PGR: variants seen among roughly 807,000 people sequenced by gnomAD.
PGR encodes progesterone receptor, also known as nuclear receptor subfamily 3 group C member 3.
Under a neutral mutation model 76.1 loss-of-function variants are expected in PGR, and 25 were observed. That is an observed-to-expected ratio of 0.33 (90% CI 0.24 to 0.46). PGR has a LOEUF of 0.46. Ranked by LOEUF, PGR falls within the 20% of genes least tolerant of loss-of-function variation. The probability of loss-of-function intolerance (pLI) is 1.00; values close to 1 mark genes in which losing one functional copy is unlikely to be tolerated. For missense variants in PGR, 1,172 were observed against 1,225.3 expected (o/e 0.96, Z 0.65); for synonymous variants, 579 against 535.0 (o/e 1.08, Z -1.14).
intron 2 of PGR, among the ~76,000 whole-genome samples, chr11:101,097,424 A>G (rs140520348): frequency 1.3e-5 from 2 of 152,348 alleles, no homozygotes; most frequent in East Asian, 3.9e-4. Context: ...CATTCAATGT[A>G]TTCCTATTGT....
At chr11:101,064,484 G>C (rs1021999029) in intron 3 of PGR, among the ~76,000 whole-genome samples, 1 of 151,930 alleles carries the variant, frequency 6.6e-6, no homozygotes, top group African/African-American at 2.4e-5. Flanking sequence ...TGAGCTTTCT[G>C]GGGGAAGGAA....
At chr11:101,081,942 G>A (rs1861323231) in intron 3 of PGR, among the ~76,000 whole-genome samples, 1 of 152,176 alleles carries the variant, frequency 6.6e-6, no homozygotes, top group South Asian at 2.1e-4. Context: ...CTAAATGCCT[G>A]ATATGGTTTG....
At chr11:101,092,250 T>C (rs1861698141) in intron 2 of PGR, among the ~76,000 whole-genome samples, 1 of 152,190 alleles carries the variant, frequency 6.6e-6, no homozygotes, top group African/African-American at 2.4e-5. Context: ...TAGTAAAACC[T>C]TTCTTTCTGA....
intron 3 of PGR, among the ~76,000 whole-genome samples, chr11:101,068,557 C>T (rs1860805122): frequency 6.6e-6 from 1 of 151,996 alleles, no homozygotes; most frequent in Admixed American, 6.6e-5. Flanking sequence ...GCCTGTATAG[C>T]CAAGACATCC....
chr11:101,072,677 C>T (rs888745787), intron 3 of PGR, among the ~76,000 whole-genome samples: 3 of 152,078 alleles, frequency 2.0e-5, no homozygotes, highest in African/African-American at 4.8e-5. Flanking sequence ...GGTTGCAATC[C>T]TAGTCTCTGA....
intron 6 of PGR, 59 bp from the exon 7 acceptor site, chr11:101,042,161 A>G: frequency 1.3e-6 from 2 of 1,538,414 alleles, no homozygotes; most frequent in Non-Finnish European, 9.0e-7. Flanking sequence ...TTAACAATTT[A>G]TAACATATAT....
In PGR at chr11:101,106,911, C is replaced by T. The variant is rs943508012; in HGVS notation, c.1790-15035G>A. ...TAAAAAAGAATGAGTTCATGTTCTT[C>T]GCAGGGACATGGATGAAGCTGGAAA... On this transcript the variant is annotated intron_variant, in intron 2 of 7. Coordinates refer to ENST00000325455, the MANE Select transcript of PGR (RefSeq NM_000926.4). Among the ~76,000 whole-genome samples the T allele has an allele frequency of 7.2e-5, 11 of 152,192 alleles. No homozygotes were observed. The East Asian group carries it at 1.7e-3, about 24-fold the overall frequency.
chr11:101,062,602 G>T lies in PGR; in HGVS notation c.2057C>A (p.Pro686Gln). ...AATGCTCATTAACAGGTTGATCAGTGGTGGAATCAACTGTATGTCTTGACC... is the reference window on the plus strand; with the variant it reads ...AATGCTCATTAACAGGTTGATCAGTTGTGGAATCAACTGTATGTCTTGACC... Reference protein sequence around the residue: ...SPGQDIQLIPPLINLLMSIEP... With the variant: ...SPGQDIQLIPQLINLLMSIEP... The change falls in exon 4 of 8, where the codon CCA (proline) becomes CAA (glutamine). Residue 686 changes from proline (P) to glutamine (Q), a missense_variant. Physicochemically the swap from Pro to Gln is moderately conservative, Grantham distance 76. This residue lies in a region of PGR where 166 missense variants were observed against 296.0 expected (regional missense o/e 0.56). Coordinates refer to ENST00000325455, the MANE Select transcript of PGR (RefSeq NM_000926.4). 1 of 1,613,952 alleles carries T rather than the reference G, an allele frequency of 6.2e-7. No individual in the cohort carries two copies.
rs143427850 is a variant in PGR at position 101,104,283 on chromosome 11, G to C, written c.1790-12407C>G. Among the ~76,000 whole-genome samples the C allele has an allele frequency of 3.7e-3, 565 of 152,188 alleles. 4 individuals carry two copies. The highest frequency in any genetic ancestry group is 0.012 in the African/African-American group (516 of 41,502). ...GTGCTCTCTATTCATCGTATCTGTTGTCCAACAGCATAGTGATAAGGCCAT... is the reference window on the plus strand; with the variant it reads ...GTGCTCTCTATTCATCGTATCTGTTCTCCAACAGCATAGTGATAAGGCCAT... On this transcript the variant is annotated intron_variant, in intron 2 of 7. Coordinates refer to ENST00000325455, the MANE Select transcript of PGR (RefSeq NM_000926.4).
chr11:101,070,190 G>A (rs1038543943), intron 3 of PGR, among the ~76,000 whole-genome samples: 15 of 152,232 alleles, frequency 9.9e-5, no homozygotes, highest in African/African-American at 3.4e-4. Context: ...GAAGCAGGGT[G>A]GGGCATTGCC....
intron 4 of PGR, 86 bp from the exon 5 acceptor site, chr11:101,051,654 AG>A: frequency 1.1e-6 from 1 of 927,762 alleles, no homozygotes; most frequent in Non-Finnish European, 1.8e-6. Flanking sequence ...ATCTGAAAAT[AG>A]GTATGCGTAG....
chr11:101,098,162 T>C (rs1394084571), intron 2 of PGR, among the ~76,000 whole-genome samples: 1 of 152,166 alleles, frequency 6.6e-6, no homozygotes, highest in African/African-American at 2.4e-5. Context: ...CCTAGTGACT[T>C]ACAAAAATTT....
At chr11:101,101,125 G>A (rs987497194) in intron 2 of PGR, among the ~76,000 whole-genome samples, 3 of 152,108 alleles carry the variant, frequency 2.0e-5, no homozygotes, top group African/African-American at 7.2e-5. Flanking sequence ...TGTGACAGAT[G>A]ATTTGCTTTT....
chr11:101,059,704 C>G (rs188865386), intron 4 of PGR, among the ~76,000 whole-genome samples: 1 of 151,340 alleles, frequency 6.6e-6, no homozygotes, highest in Non-Finnish European at 1.5e-5. Context: ...AGCAAGGTGG[C>G]GCATGCCTGT....
rs1591363875 is a variant in PGR, at chr11:101,039,059, G to A, written c.*57C>T. 1.4e-6 allele frequency: 2 copies of A among 1,413,308 alleles called. No homozygotes were observed. The highest frequency in any genetic ancestry group is 4.6e-5 in the East Asian group (2 of 43,646). The allele number at this position is 1,413,308 out of a possible 1,614,324, so 87.5% of individuals were successfully genotyped here. Reference sequence around the variant, plus strand: ...TAAAAACTCAAGACCTCATAATCCTGACCAAAACAAAAAGACATACCACAA... The same window carrying A: ...TAAAAACTCAAGACCTCATAATCCTAACCAAAACAAAAAGACATACCACAA... On this transcript the variant is annotated 3_prime_UTR_variant, in exon 8 of 8. Coordinates refer to ENST00000325455, the MANE Select transcript of PGR (RefSeq NM_000926.4).
chr11:101,109,666 A>AAGC (rs1479494459), intron 2 of PGR, among the ~76,000 whole-genome samples: 2 of 152,256 alleles, frequency 1.3e-5, no homozygotes. Context: ...GTACAAGGTG[A>AAGC]AGCAGCAAGT....
chr11:101,032,182 G>C lies in PGR; in HGVS notation c.*6934C>G. On this transcript the variant is annotated 3_prime_UTR_variant, in exon 8 of 8. Transcript: ENST00000325455. ...ATCTCCTTTCGTCAGTCCTGTCAAT[G>C]TTCCTATGTTATATCTTCCAAAACC... The C allele has an allele frequency of 4.3e-6, 1 of 232,876 alleles. No individual in the cohort carries two copies. The highest frequency in any genetic ancestry group is 8.5e-6 in the Non-Finnish European group (1 of 117,836). The allele number at this position is 232,876 out of a possible 1,614,324, so 14.4% of individuals were successfully genotyped here.
chr11:101,057,176 G>C (rs560330679), intron 4 of PGR, among the ~76,000 whole-genome samples: 1 of 152,276 alleles, frequency 6.6e-6, no homozygotes, highest in South Asian at 2.1e-4. Context: ...GGAGGGTACA[G>C]GGTTTCCTCA....
chr11:101,085,554 GAACA>G (rs1220270770), intron 3 of PGR, among the ~76,000 whole-genome samples: 1 of 67,592 alleles, frequency 1.5e-5, no homozygotes, highest in African/African-American at 5.5e-5. Flanking sequence ...AAAAAAACAA[GAACA>G]AACTATCCCT....
Sources: allele counts gnomAD v4.1 joint callset (sites outside exome capture counted in the v4.1 genomes callset), GRCh38; gene constraint gnomAD v4.1.1; regional missense constraint gnomAD v4.1.1; transcripts MANE v1.5; gene names NCBI Gene and HGNC (gene_info 2026-07-23, HGNC 2026-07-21).